Variants in EXOC2 observed in about 807,000 individuals in gnomAD.
EXOC2 encodes SEC5-like 1.
EXOC2 carries 70 observed loss-of-function variants against 131.8 expected under a neutral mutation model. The observed-to-expected ratio is 0.53, with a 90% CI of 0.44 to 0.65. EXOC2 has a LOEUF of 0.65. Ranked by LOEUF, EXOC2 falls within the 30% of genes least tolerant of loss-of-function variation. EXOC2 has a pLI of 0.00. For synonymous variants in EXOC2, 411 were observed against 398.4 expected, an observed-to-expected ratio of 1.03 and a Z score of -0.38; for missense variants, 923 against 1,108.6, an observed-to-expected ratio of 0.83 and a Z score of 2.38.
At chr6:623,257 G>C (rs1490181162) in intron 4 of EXOC2, among the ~76,000 whole-genome samples, 2 of 152,154 alleles carry the variant, frequency 1.3e-5, no homozygotes, top group South Asian at 2.1e-4. Context: ...TCTGAGATTC[G>C]AGCCCCACCC....
intron 10 of EXOC2, among the ~76,000 whole-genome samples, chr6:593,177 T>A (rs1241402199): frequency 6.6e-6 from 1 of 152,224 alleles, no homozygotes; most frequent in Non-Finnish European, 1.5e-5. Context: ...ATGAGCATTT[T>A]TCTTTATATT....
chr6:493,456 G>C lies in EXOC2; in HGVS notation c.2560-2270C>G, dbSNP rs11961789. 7.8e-3 allele frequency among the ~76,000 whole-genome samples: 1,193 copies of C among 152,286 alleles called. 17 individuals carry two copies. The highest frequency in any genetic ancestry group is 0.027 in the African/African-American group (1,139 of 41,538). On this transcript the variant is annotated intron_variant, in intron 25 of 27. Transcript: ENST00000230449. ...AAATTACTACAAAACCAATCTTCTG[G>C]TAGAAATTTTATTCAATCAAGGTGA...
At chr6:605,518 A>G (rs1352205373) in intron 7 of EXOC2, among the ~76,000 whole-genome samples, 1 of 152,178 alleles carries the variant, frequency 6.6e-6, no homozygotes, top group Non-Finnish European at 1.5e-5. Flanking sequence ...CTCTGATGGT[A>G]GTTTGTATTT....
chr6:664,722 A>G (rs1030125598), intron 1 of EXOC2, among the ~76,000 whole-genome samples: 6 of 152,234 alleles, frequency 3.9e-5, no homozygotes, highest in Non-Finnish European at 5.9e-5. Flanking sequence ...GTGCTAGTAT[A>G]ACTGGCTAGC....
chr6:564,255 G>A, intron 15 of EXOC2, 101 bp from the exon 16 acceptor site: 1 of 1,491,092 alleles, frequency 6.7e-7, no homozygotes, highest in Non-Finnish European at 9.0e-7. Context: ...GAGCTTACGA[G>A]CTACAGCATT....
intron 4 of EXOC2, among the ~76,000 whole-genome samples, chr6:622,179 C>G (rs559325591): frequency 6.6e-6 from 1 of 152,326 alleles, no homozygotes; most frequent in Admixed American, 6.5e-5. Flanking sequence ...TTCTGTCGAC[C>G]TTCCTTCTAG....
intron 25 of EXOC2, among the ~76,000 whole-genome samples, chr6:496,728 AT>A (rs1208554909): frequency 6.6e-6 from 1 of 152,080 alleles, no homozygotes; most frequent in African/African-American, 2.4e-5. Flanking sequence ...AAAAAATTTT[AT>A]TTTTTGATAT....
chr6:661,954 GA>G (rs1207217719), intron 1 of EXOC2, among the ~76,000 whole-genome samples: 7 of 152,168 alleles, frequency 4.6e-5, no homozygotes, highest in Non-Finnish European at 1.0e-4. Flanking sequence ...TAAAGGGGTG[GA>G]AAAAGGCATT....
intron 1 of EXOC2, among the ~76,000 whole-genome samples, chr6:660,377 C>T (rs1419107957): frequency 6.6e-6 from 1 of 152,166 alleles, no homozygotes; most frequent in Non-Finnish European, 1.5e-5. Context: ...GCTAAGGACC[C>T]TCCCTCAGGG....
chr6:611,668 T>C (rs1760721777), intron 6 of EXOC2, among the ~76,000 whole-genome samples: 1 of 152,206 alleles, frequency 6.6e-6, no homozygotes, highest in African/African-American at 2.4e-5. Context: ...TCCAGAAAAT[T>C]AAACCAAATA....
chr6:670,303 C>T (rs1763806916), intron 1 of EXOC2: 1 of 152,180 alleles, frequency 6.6e-6, no homozygotes, highest in Non-Finnish European at 1.5e-5. Context: ...CTTCTGGTGG[C>T]AGTACTATCT....
chr6:665,009 G>A (rs13328247), intron 1 of EXOC2, among the ~76,000 whole-genome samples: 1 of 152,036 alleles, frequency 6.6e-6, no homozygotes, highest in African/African-American at 2.4e-5. Context: ...CACACAGAGG[G>A]GGAGAAAATC....
At chr6:666,373 A>T (rs1763644835) in intron 1 of EXOC2, among the ~76,000 whole-genome samples, 1 of 100,870 alleles carries the variant, frequency 9.9e-6, no homozygotes, top group Non-Finnish European at 2.4e-5. Context: ...TGCAAAATTG[A>T]GCAAATGATT....
intron 22 of EXOC2, among the ~76,000 whole-genome samples, chr6:533,854 C>T (rs1356623679): frequency 2.0e-5 from 3 of 152,142 alleles, no homozygotes; most frequent in Non-Finnish European, 4.4e-5. Flanking sequence ...AATGCCAGGC[C>T]TGAGCTGCAA....
intron 12 of EXOC2, among the ~76,000 whole-genome samples, chr6:575,222 A>C (rs1472582862): frequency 6.6e-6 from 1 of 152,230 alleles, no homozygotes; most frequent in Admixed American, 6.5e-5. Context: ...CTTGTCTCTA[A>C]TCCTAATGGA....
intron 2 of EXOC2, among the ~76,000 whole-genome samples, chr6:634,834 A>C (rs889409503): frequency 6.6e-6 from 1 of 152,230 alleles, no homozygotes. Flanking sequence ...TTTTCTAATA[A>C]TTTTTGTTAT....
At chr6:629,250 C>G (rs1188453868) in intron 4 of EXOC2, among the ~76,000 whole-genome samples, 1 of 152,156 alleles carries the variant, frequency 6.6e-6, no homozygotes, top group East Asian at 1.9e-4. Flanking sequence ...CTGCGATTAA[C>G]ACATTAGGTG....
intron 26 of EXOC2, among the ~76,000 whole-genome samples, chr6:490,383 G>C (rs1763361110): frequency 6.6e-6 from 1 of 152,164 alleles, no homozygotes; most frequent in African/African-American, 2.4e-5. Context: ...AAAAGGTGTG[G>C]CTCAACAGTG....
intron 11 of EXOC2, among the ~76,000 whole-genome samples, chr6:583,148 G>T (rs1759007180): frequency 6.6e-6 from 1 of 152,128 alleles, no homozygotes; most frequent in Admixed American, 6.5e-5. Flanking sequence ...GCAGAAAAAT[G>T]CTTAGAACAT....
Sources: allele counts gnomAD v4.1 joint callset (sites outside exome capture counted in the v4.1 genomes callset), GRCh38; gene constraint gnomAD v4.1.1; transcripts MANE v1.5; gene names NCBI Gene and HGNC (gene_info 2026-07-23, HGNC 2026-07-21).